Variants in CDKAL1 observed in about 807,000 individuals in gnomAD.
CDKAL1 encodes the protein CDKAL1 threonylcarbamoyladenosine tRNA methylthiotransferase.
A neutral mutation model predicts 68.2 loss-of-function variants in CDKAL1; 32 were observed. The observed-to-expected ratio is 0.47, with a 90% CI of 0.35 to 0.63. The LOEUF is 0.63. Among genes scored for constraint, CDKAL1 ranks in the 30% least tolerant of loss-of-function variants. The probability of loss-of-function intolerance (pLI) is 0.00; values close to 1 mark genes in which losing one functional copy is unlikely to be tolerated. For missense variants in CDKAL1, 606 were observed against 696.7 expected, an observed-to-expected ratio of 0.87 and a Z score of 1.47; for synonymous variants, 234 against 244.3, an observed-to-expected ratio of 0.96 and a Z score of 0.39.
chr6:20,744,582 C>T (rs991433975), intron 6 of CDKAL1, among the ~76,000 whole-genome samples: 6 of 152,050 alleles, frequency 3.9e-5, no homozygotes, highest in African/African-American at 1.2e-4. Flanking sequence ...GTCCCTAGAC[C>T]ACAGTGAGAT....
At chr6:20,874,087 A>T (rs904656192) in intron 9 of CDKAL1, among the ~76,000 whole-genome samples, 30 of 152,126 alleles carry the variant, frequency 2.0e-4, no homozygotes, top group Non-Finnish European at 1.6e-4. Context: ...TGGGCCTGGG[A>T]TATAGAAGTA....
chr6:21,173,645 T>C (rs1239818802), intron 13 of CDKAL1, among the ~76,000 whole-genome samples: 1 of 152,230 alleles, frequency 6.6e-6, no homozygotes, highest in Non-Finnish European at 1.5e-5. Flanking sequence ...ACTGAAAGTT[T>C]CCTTTCTCAT....
At chr6:20,567,998 C>T (rs1321586499) in intron 4 of CDKAL1, among the ~76,000 whole-genome samples, 1 of 152,094 alleles carries the variant, frequency 6.6e-6, no homozygotes, top group African/African-American at 2.4e-5. Context: ...ACCTCAGCCT[C>T]CTAAGTAGCT....
At chr6:20,744,569 T>A (rs925261930) in intron 6 of CDKAL1, among the ~76,000 whole-genome samples, 28 of 152,180 alleles carry the variant, frequency 1.8e-4, no homozygotes, top group African/African-American at 6.5e-4. Flanking sequence ...TCTAGTGAGA[T>A]GGGTCCCTAG....
At chr6:21,171,207 G>A (rs760360632) in intron 13 of CDKAL1, among the ~76,000 whole-genome samples, 2 of 151,960 alleles carry the variant, frequency 1.3e-5, no homozygotes, top group Non-Finnish European at 2.9e-5. Flanking sequence ...TCATTATATT[G>A]CATACAAGTT....
At chr6:20,668,030 G>A (rs1359995146) in intron 5 of CDKAL1, among the ~76,000 whole-genome samples, 2 of 151,388 alleles carry the variant, frequency 1.3e-5, no homozygotes, top group African/African-American at 4.9e-5. Context: ...TTTCTCCTTT[G>A]TCTCTCTTTC....
chr6:20,964,311 ACATACC>A (rs1765195424), intron 10 of CDKAL1, among the ~76,000 whole-genome samples: 1 of 152,228 alleles, frequency 6.6e-6, no homozygotes, highest in African/African-American at 2.4e-5. Context: ...ATTACTGGGT[ACATACC>A]CAAAGGAATA....
At chr6:20,685,337 T>C (rs1770569737) in intron 5 of CDKAL1, among the ~76,000 whole-genome samples, 1 of 152,236 alleles carries the variant, frequency 6.6e-6, no homozygotes, top group East Asian at 1.9e-4. Context: ...TCTGGGCTCT[T>C]TGTTCTGTTC....
chr6:21,230,726 G>A (rs558108828), intron 15 of CDKAL1, 122 bp from the exon 16 acceptor site: 9 of 702,090 alleles, frequency 1.3e-5, no homozygotes, highest in East Asian at 1.1e-4. Flanking sequence ...GTGTTCAAAC[G>A]TGTCTCTGTT....
chr6:21,016,152 G>GTGTA (rs199897721), intron 11 of CDKAL1, among the ~76,000 whole-genome samples: 1 of 148,096 alleles, frequency 6.8e-6, no homozygotes, highest in East Asian at 2.0e-4. Context: ...ATATATATGT[G>GTGTA]TATATATATA....
At chr6:20,601,277 T>C (rs1353479907) in intron 4 of CDKAL1, among the ~76,000 whole-genome samples, 2 of 152,194 alleles carry the variant, frequency 1.3e-5, no homozygotes, top group African/African-American at 4.8e-5. Flanking sequence ...TCCAATGTCA[T>C]TGATTACTGG....
intron 13 of CDKAL1, among the ~76,000 whole-genome samples, chr6:21,112,069 A>G (rs1774143618): frequency 6.7e-6 from 1 of 148,498 alleles, no homozygotes; most frequent in Non-Finnish European, 1.5e-5. Flanking sequence ...CCTGGAGTTG[A>G]TTTTTTTTTT....
intron 13 of CDKAL1, among the ~76,000 whole-genome samples, chr6:21,181,475 C>G (rs902375073): frequency 2.6e-5 from 4 of 152,186 alleles, no homozygotes; most frequent in African/African-American, 9.7e-5. Context: ...TCTCTTTGCC[C>G]TTCTACCTTC....
intron 9 of CDKAL1, among the ~76,000 whole-genome samples, chr6:20,856,183 T>A (rs1163014842): frequency 6.6e-6 from 1 of 152,198 alleles, no homozygotes; most frequent in Non-Finnish European, 1.5e-5. Context: ...CATTGCTTCA[T>A]CTGTATTTTA....
At chr6:20,897,067 T>A (rs188806443) in intron 9 of CDKAL1, among the ~76,000 whole-genome samples, 3 of 152,232 alleles carry the variant, frequency 2.0e-5, no homozygotes, top group Admixed American at 2.0e-4. Flanking sequence ...GCCAACAGAT[T>A]CAGTATCTCA....
At chr6:20,771,516 G>T (rs1774941411) in intron 7 of CDKAL1, among the ~76,000 whole-genome samples, 1 of 152,140 alleles carries the variant, frequency 6.6e-6, no homozygotes, top group African/African-American at 2.4e-5. Context: ...CACACTTTAT[G>T]GTGGCTTGAG....
At chr6:21,069,876 G>A (rs377671695) in intron 12 of CDKAL1, among the ~76,000 whole-genome samples, 7 of 131,370 alleles carry the variant, frequency 5.3e-5, no homozygotes, top group African/African-American at 1.1e-4. Flanking sequence ...TGCAAGCTCC[G>A]CCTCCCGGGT....
At chr6:20,806,629 T>C (rs1776584777) in intron 8 of CDKAL1, among the ~76,000 whole-genome samples, 1 of 152,154 alleles carries the variant, frequency 6.6e-6, no homozygotes, top group Non-Finnish European at 1.5e-5. Flanking sequence ...ATCTCACCAG[T>C]ATCTGTTAAT....
At chr6:20,534,880 A>G (rs1763107388) in intron 1 of CDKAL1, among the ~76,000 whole-genome samples, 1 of 152,204 alleles carries the variant, frequency 6.6e-6, no homozygotes, top group African/African-American at 2.4e-5. Flanking sequence ...TAGATGTGAC[A>G]AGGCTTTCGC....
Sources: gnomAD v4.1 joint callset for allele counts (sites outside exome capture counted in the v4.1 genomes callset) on GRCh38, gnomAD v4.1.1 for gene constraint, MANE v1.5 for transcripts, NCBI Gene and HGNC (gene_info 2026-07-23, HGNC 2026-07-21) for gene names.